SERPINB13: variants seen among roughly 807,000 people sequenced by gnomAD.
SERPINB13 encodes serpin family B member 13, also known as serpin B13.
SERPINB13 carries 26 observed loss-of-function variants against 31.2 expected under a neutral mutation model. The observed-to-expected ratio is 0.83, with a 90% CI of 0.61 to 1.15. SERPINB13 has a LOEUF of 1.15. SERPINB13 is among the 50% of genes most tolerant of loss of function. The probability of loss-of-function intolerance (pLI) is 0.00; values close to 1 mark genes in which losing one functional copy is unlikely to be tolerated. For missense variants in SERPINB13, 510 were observed against 469.4 expected (o/e 1.09, Z -0.80); for synonymous variants, 191 against 172.4 (o/e 1.11, Z -0.85).
chr18:63,590,018 G>T lies in SERPINB13; in HGVS notation c.225+303G>T, dbSNP rs996793781. On this transcript the variant is annotated intron_variant, in intron 3 of 7. Coordinates refer to ENST00000344731, the MANE Select transcript of SERPINB13 (RefSeq NM_012397.4). ...CATAGCAGAGTGGATGGGTTTTGGA[G>T]TTAAACAGACTTAGGTCCAAGTCCT... The T allele has an allele frequency of 9.6e-6, 3 of 313,498 alleles. No individual in the cohort carries two copies. In the South Asian group the frequency reaches 2.3e-4, roughly 24 times the overall value. 19.4% of individuals were successfully genotyped at this position (313,498 alleles called of 1,614,324 possible). A position where few individuals can be genotyped will look rare whatever the true frequency, so the allele number is the denominator to read the frequency against.
chr18:63,592,808 A>G, intron 4 of SERPINB13, 46 bp from the exon 5 acceptor site: 1 of 1,219,752 alleles, frequency 8.2e-7, no homozygotes, highest in South Asian at 1.3e-5. Flanking sequence ...CAATTGATAA[A>G]TTGAGTTTTT....
intron 2 of SERPINB13, 93 bp downstream of exon 2, chr18:63,588,925 C>G (rs1337321246): frequency 4.6e-6 from 6 of 1,315,420 alleles, no homozygotes; most frequent in East Asian, 2.4e-5. Context: ...TAAAAATACG[C>G]TCTTCTTGAC....
At chr18:63,587,711 G>A (rs966156507) in intron 1 of SERPINB13, among the ~76,000 whole-genome samples, 5 of 152,248 alleles carry the variant, frequency 3.3e-5, no homozygotes, top group South Asian at 2.1e-4. Context: ...ATGCCTTAGC[G>A]GGGATGAGCC....
rs1490314571 is a variant in SERPINB13 at position 63,595,162 on chromosome 18, A to G, written c.749A>G (p.Asn250Ser). ...NDLSMFVLLP[N>S]DIDGLEKIID... Reference sequence around the variant, plus strand: ...CTAAGCATGTTTGTGCTTCTGCCCAACGACATCGATGGCCTGGAGAAGGTA... The same window carrying G: ...CTAAGCATGTTTGTGCTTCTGCCCAGCGACATCGATGGCCTGGAGAAGGTA... Residue 250 changes from asparagine (N) to serine (S), a missense_variant, in exon 7 of 8, where the codon AAC (asparagine) becomes AGC (serine). Transcript: ENST00000344731. 6 of 1,613,216 alleles carry G rather than the reference A, an allele frequency of 3.7e-6. No individual in the cohort carries two copies. The highest frequency in any genetic ancestry group is 2.2e-5 in the East Asian group (1 of 44,880).
At position 63,592,465 on chromosome 18, in the gene SERPINB13, C is replaced by G; in HGVS notation, c.343C>G (p.Leu115Val). The change falls in exon 4 of 8, where the codon CTC becomes GTC. Residue 115 changes from leucine (L) to valine (V), a missense_variant. Transcript: ENST00000344731. The stretch of plus-strand genomic sequence containing the variant: ...CAGGCTGTTTGGAGAAAAAACATAC[C>G]TCTTCCTTCAAGTAAGTTTGCCATG... ...TNRLFGEKTY[L>V]FLQKYLDYVE... The G allele has an allele frequency of 6.2e-7, 1 of 1,613,158 alleles. No individual in the cohort carries two copies.
Position 63,592,841 on chromosome 18 carries a change from G to A in SERPINB13, c.355-13G>A, listed in dbSNP as rs750428810. 8.7e-6 allele frequency: 13 copies of A among 1,494,474 alleles called. No individual in the cohort carries two copies. Among genetic ancestry groups the A allele is most frequent in the South Asian group, 1.2e-5 (1 of 83,484 alleles). 92.6% of individuals were successfully genotyped at this position (1,494,474 alleles called of 1,614,324 possible). On this transcript the variant is annotated splice_polypyrimidine_tract_variant and intron_variant, in intron 4 of 7. Transcript: ENST00000344731. ...TTTAACCTCTTTTTATTCCTTCCTTGTTTCTCCTAAAGAAATACTTAGATT... is the reference window on the plus strand; with the variant it reads ...TTTAACCTCTTTTTATTCCTTCCTTATTTCTCCTAAAGAAATACTTAGATT...
intron 2 of SERPINB13, 44 bp downstream of exon 2, chr18:63,588,876 T>C (rs1911671438): frequency 6.6e-7 from 1 of 1,512,196 alleles, no homozygotes; most frequent in East Asian, 2.4e-5. Flanking sequence ...ATGCACAAAT[T>C]CATTTGGCGG....
chr18:63,594,561 C>T (rs1286840748), intron 6 of SERPINB13, 64 bp downstream of exon 6: 1 of 1,563,494 alleles, frequency 6.4e-7, no homozygotes, highest in East Asian at 2.3e-5. Flanking sequence ...AAAGTCATGG[C>T]TGGGCGTGGT....
Position 63,592,363 on chromosome 18 carries a change from G to A in SERPINB13, c.241G>A (p.Ala81Thr). ...EEKEVIENTEAVHQQFQKFLT... is the reference protein window; with the variant it reads ...EEKEVIENTETVHQQFQKFLT... ...AATTTTCAAGATTGAGAACACAGAA[G>A]CAGTACATCAACAATTCCAAAAGTT... Residue 81 changes from alanine to threonine, a missense_variant, in exon 4 of 8, where the codon GCA becomes ACA. Transcript: ENST00000344731. The A allele has an allele frequency of 6.2e-7, 1 of 1,610,742 alleles. No homozygotes were observed. Among genetic ancestry groups the A allele is most frequent in the Non-Finnish European group, 8.5e-7 (1 of 1,178,584 alleles).
chr18:63,594,703 G>A (rs1345980688), intron 6 of SERPINB13, among the ~76,000 whole-genome samples: 1 of 152,094 alleles, frequency 6.6e-6, no homozygotes, highest in Non-Finnish European at 1.5e-5. Context: ...GCTGGGTGTG[G>A]TGGTGCACGC....
In SERPINB13 at chr18:63,598,707, G is replaced by A. The variant is rs1292885007; in HGVS notation, c.*1344G>A. 2 of 152,152 alleles carry A rather than the reference G, an allele frequency of 1.3e-5. No individual in the cohort carries two copies. The highest frequency in any genetic ancestry group is 4.8e-5 in the African/African-American group (2 of 41,454). The allele number at this position is 152,152 out of a possible 1,614,324, so 9.4% of individuals were successfully genotyped here. Reference sequence around the variant, plus strand: ...CCACTTCTTGGCTGTTAGGAATAATGTTGCTCTGAACATGTAAATAAAGAT... The same window carrying A: ...CCACTTCTTGGCTGTTAGGAATAATATTGCTCTGAACATGTAAATAAAGAT... On this transcript the variant is annotated 3_prime_UTR_variant, in exon 8 of 8. Coordinates refer to ENST00000344731, the MANE Select transcript of SERPINB13 (RefSeq NM_012397.4).
At chr18:63,589,870 G>A in intron 3 of SERPINB13, 155 bp downstream of exon 3, 1 of 1,404,392 alleles carries the variant, frequency 7.1e-7, no homozygotes, top group Non-Finnish European at 9.5e-7. Flanking sequence ...AATCACCATA[G>A]ACAAATATTG....
Position 63,589,486 on chromosome 18 carries a change from C to CACACAT in SERPINB13, c.166-166_166-165insATACAC, listed in dbSNP as rs1343452173. On this transcript the variant is annotated intron_variant, in intron 2 of 7. Coordinates refer to ENST00000344731, the MANE Select transcript of SERPINB13 (RefSeq NM_012397.4). Reference sequence around the variant, plus strand: ...ACACACACACACACACACACACACACACACGAAAAATCAGAGGTAAACGCA... The same window carrying CACACAT: ...ACACACACACACACACACACACACACACACATACACGAAAAATCAGAGGTAAACGCA... Among the ~76,000 whole-genome samples the CACACAT allele has an allele frequency of 3.3e-5, 5 of 151,704 alleles. 1 individual carries two copies. Among genetic ancestry groups the CACACAT allele is most frequent in the African/African-American group, 1.2e-4 (5 of 41,050 alleles).
At chr18:63,588,886 G>C (rs910097933) in intron 2 of SERPINB13, 54 bp downstream of exon 2, 4 of 1,563,684 alleles carry the variant, frequency 2.6e-6, no homozygotes, top group Non-Finnish European at 3.5e-6. Context: ...TCATTTGGCG[G>C]GGGGGTTGTC....
intron 2 of SERPINB13, among the ~76,000 whole-genome samples, chr18:63,589,354 G>T (rs1599443792): frequency 6.6e-6 from 1 of 151,882 alleles, no homozygotes; most frequent in African/African-American, 2.4e-5. Context: ...TACTCGGAAG[G>T]CTGAGGCAGA....
chr18:63,594,278 A>G, intron 5 of SERPINB13, 77 bp from the exon 6 acceptor site: 1 of 1,594,538 alleles, frequency 6.3e-7, no homozygotes, highest in South Asian at 1.1e-5. Context: ...AGTCAAGTCC[A>G]TCTGCATCAT....
chr18:63,592,856 ATACTT>A lies in SERPINB13; in HGVS notation c.358_362del (p.Tyr120ArgfsTer4), dbSNP rs1444368871. ...TTCCTTCCTTGTTTCTCCTAAAGAA[ATACTT>A]AGATTATGTTGAAAAATATTATCAT... On this transcript the variant is annotated frameshift_variant, in exon 5 of 8. Coordinates refer to ENST00000344731, the MANE Select transcript of SERPINB13 (RefSeq NM_012397.4). LOFTEE classifies it high-confidence loss of function. The A allele has an allele frequency of 7.0e-6, 11 of 1,561,928 alleles. No individual in the cohort carries two copies. The highest frequency in any genetic ancestry group is 9.6e-6 in the Non-Finnish European group (11 of 1,144,732).
Position 63,594,566 on chromosome 18 carries a change from C to T in SERPINB13, c.615+69C>T, listed in dbSNP as rs568895600. On this transcript the variant is annotated intron_variant, in intron 6 of 7. Transcript: ENST00000344731. ...TGTAAAGTCTAAAGTCATGGCTGGG[C>T]GTGGTGGCTGACACCTGTAATCCCA... is the stretch of plus-strand genomic sequence containing the variant. 58 of 1,542,890 alleles carry T rather than the reference C, an allele frequency of 3.8e-5. 1 individual carries two copies. In the East Asian group the frequency reaches 5.2e-4, roughly 14 times the overall value.
chr18:63,594,644 T>C (rs915595415), intron 6 of SERPINB13, 147 bp downstream of exon 6: 4 of 841,170 alleles, frequency 4.8e-6, no homozygotes, highest in Non-Finnish European at 7.3e-6. Context: ...ATCGAGACTA[T>C]CCTTGCCAAC....
Sources: gnomAD v4.1 joint callset for allele counts (sites outside exome capture counted in the v4.1 genomes callset) on GRCh38, gnomAD v4.1.1 for gene constraint, MANE v1.5 for transcripts, NCBI Gene and HGNC (gene_info 2026-07-23, HGNC 2026-07-21) for gene names.